KCNIP4: variants seen among roughly 807,000 people sequenced by gnomAD.
KCNIP4 encodes Kv channel-interacting protein 4.
A neutral mutation model predicts 34.0 loss-of-function variants in KCNIP4; 12 were observed. The observed-to-expected ratio is 0.35, with a 90% CI of 0.23 to 0.57. The LOEUF (loss-of-function observed/expected upper bound fraction) is 0.57, where lower values mean the gene tolerates loss of function less well. Among genes scored for constraint, KCNIP4 ranks in the 20% least tolerant of loss-of-function variants. The pLI, the probability that KCNIP4 is intolerant of heterozygous loss-of-function variation, is 0.83. For synonymous variants in KCNIP4, 124 were observed against 102.2 expected (o/e 1.21, Z -1.29); for missense variants, 238 against 311.7 (o/e 0.76, Z 1.78).
chr4:21,073,900 G>A (rs1577644470), intron 1 of KCNIP4, among the ~76,000 whole-genome samples: 1 of 152,076 alleles, frequency 6.6e-6, no homozygotes, highest in African/African-American at 2.4e-5. Flanking sequence ...ATAATCATGT[G>A]GTTTTTGTCT....
At chr4:21,307,470 C>T (rs1172402283) in intron 1 of KCNIP4, among the ~76,000 whole-genome samples, 1 of 152,154 alleles carries the variant, frequency 6.6e-6, no homozygotes, top group East Asian at 1.9e-4. Context: ...AAAGCATTGT[C>T]ACCACCTGGC....
At chr4:20,865,787 A>G (rs901278995) in intron 2 of KCNIP4, among the ~76,000 whole-genome samples, 2 of 152,032 alleles carry the variant, frequency 1.3e-5, no homozygotes, top group Non-Finnish European at 2.9e-5. Context: ...CAACATGAAA[A>G]TTATAGTTAA....
Position 21,948,552 on chromosome 4 carries a change from C to T in KCNIP4, c.61+19G>A. The stretch of plus-strand genomic sequence containing the variant: ...GAGGGCGGAAGCGGGCGCCCGCTCG[C>T]AAGCTTATTGCATCCTACCGCCTGT... On this transcript the variant is annotated intron_variant, in intron 1 of 8. Transcript: ENST00000382152. The T allele has an allele frequency of 6.2e-7, 1 of 1,610,814 alleles. No homozygotes were observed. Among genetic ancestry groups the T allele is most frequent in the Non-Finnish European group, 8.5e-7 (1 of 1,178,582 alleles).
At chr4:21,550,528 C>A (rs1427517829) in intron 1 of KCNIP4, among the ~76,000 whole-genome samples, 1 of 152,060 alleles carries the variant, frequency 6.6e-6, no homozygotes, top group African/African-American at 2.4e-5. Flanking sequence ...ATTTCAGCTG[C>A]TGCTAAAACC....
chr4:21,827,147 A>C (rs564980413), intron 1 of KCNIP4, among the ~76,000 whole-genome samples: 1 of 152,180 alleles, frequency 6.6e-6, no homozygotes, highest in South Asian at 2.1e-4. Flanking sequence ...ATAAGCAATA[A>C]ATTTTAAGAA....
chr4:21,577,325 A>G (rs1332353951), intron 1 of KCNIP4, among the ~76,000 whole-genome samples: 2 of 152,158 alleles, frequency 1.3e-5, no homozygotes, highest in Non-Finnish European at 2.9e-5. Flanking sequence ...TCTGCCCTCT[A>G]TTACTTTTAG....
chr4:21,278,898 G>C (rs1762604439), intron 1 of KCNIP4, among the ~76,000 whole-genome samples: 1 of 152,200 alleles, frequency 6.6e-6, no homozygotes, highest in African/African-American at 2.4e-5. Context: ...ATGCTATCTA[G>C]AAGAGGTGGG....
At chr4:20,868,143 T>C (rs1723058173) in intron 2 of KCNIP4, among the ~76,000 whole-genome samples, 1 of 151,922 alleles carries the variant, frequency 6.6e-6, no homozygotes, top group Non-Finnish European at 1.5e-5. Context: ...GGAACTTAAA[T>C]CAACAAGCTA....
At chr4:21,823,508 TA>T (rs370952134) in intron 1 of KCNIP4, among the ~76,000 whole-genome samples, 13,299 of 123,342 alleles carry the variant, frequency 0.11, 1,986 homozygotes, top group African/African-American at 0.32. Flanking sequence ...TGTTCTGTCT[TA>T]AAAAAAAAAA....
intron 1 of KCNIP4, among the ~76,000 whole-genome samples, chr4:21,068,982 G>A (rs1418587965): frequency 1.3e-5 from 2 of 152,180 alleles, no homozygotes; most frequent in Non-Finnish European, 2.9e-5. Context: ...TTACTATGGT[G>A]AGTCTAAACA....
chr4:21,464,910 CT>C (rs1305852389), intron 1 of KCNIP4, among the ~76,000 whole-genome samples: 2 of 152,038 alleles, frequency 1.3e-5, no homozygotes, highest in Admixed American at 6.6e-5. Context: ...AGTAACACCC[CT>C]CTACGACCAT....
chr4:21,019,313 G>A (rs757948734), intron 1 of KCNIP4, among the ~76,000 whole-genome samples: 2 of 151,958 alleles, frequency 1.3e-5, no homozygotes, highest in East Asian at 1.9e-4. Context: ...ATGCCACCAC[G>A]TCCGGCTAAT....
chr4:21,866,411 A>G (rs549406547), intron 1 of KCNIP4, among the ~76,000 whole-genome samples: 4 of 152,306 alleles, frequency 2.6e-5, no homozygotes, highest in African/African-American at 9.6e-5. Flanking sequence ...CTTTTGCCAT[A>G]ATATCTGTAG....
chr4:21,741,911 C>T (rs895978068), intron 1 of KCNIP4, among the ~76,000 whole-genome samples: 4 of 152,028 alleles, frequency 2.6e-5, no homozygotes, highest in Non-Finnish European at 4.4e-5. Flanking sequence ...GTGACGCACG[C>T]CTGCAGTCCC....
chr4:21,388,304 A>G (rs1722222822), intron 1 of KCNIP4, among the ~76,000 whole-genome samples: 1 of 150,822 alleles, frequency 6.6e-6, no homozygotes, highest in Non-Finnish European at 1.5e-5. Context: ...AATTTTAAAA[A>G]GCCTCAACTG....
At chr4:21,240,958 A>C (rs1759767996) in intron 1 of KCNIP4, among the ~76,000 whole-genome samples, 1 of 152,220 alleles carries the variant, frequency 6.6e-6, no homozygotes, top group African/African-American at 2.4e-5. Context: ...ATTGTAATTT[A>C]TAACACAAAA....
chr4:21,491,888 C>T (rs1232977330), intron 1 of KCNIP4, among the ~76,000 whole-genome samples: 86 of 152,134 alleles, frequency 5.7e-4, no homozygotes, highest in Non-Finnish European at 5.9e-5. Context: ...ATCTTAGATG[C>T]AGAGCAATAA....
intron 1 of KCNIP4, among the ~76,000 whole-genome samples, chr4:21,605,690 A>C (rs1317902450): frequency 1.3e-5 from 2 of 152,150 alleles, no homozygotes; most frequent in Admixed American, 1.3e-4. Flanking sequence ...CATGTTGGCC[A>C]GGCTGGTCTC....
chr4:21,080,072 C>T (rs1426576485), intron 1 of KCNIP4, among the ~76,000 whole-genome samples: 1 of 151,846 alleles, frequency 6.6e-6, no homozygotes, highest in South Asian at 2.1e-4. Flanking sequence ...GCAGCAGTAA[C>T]AGGAAACAAA....
Sources: gnomAD v4.1 joint callset for allele counts (sites outside exome capture counted in the v4.1 genomes callset) on GRCh38, gnomAD v4.1.1 for gene constraint, MANE v1.5 for transcripts, NCBI Gene and HGNC (gene_info 2026-07-23, HGNC 2026-07-21) for gene names.